Variants in ADGRB2 observed in about 807,000 individuals in gnomAD.
The protein encoded by ADGRB2 is brain-specific angiogenesis inhibitor 2.
A neutral mutation model predicts 178.7 loss-of-function variants in ADGRB2; 47 were observed. That is an observed-to-expected ratio of 0.26 (90% CI 0.21 to 0.34). ADGRB2 has a LOEUF of 0.34. Ranked by LOEUF, ADGRB2 falls within the 10% of genes least tolerant of loss-of-function variation. ADGRB2 has a pLI of 1.00. For missense variants in ADGRB2, 1,584 were observed against 2,180.8 expected (o/e 0.73, Z 5.45); for synonymous variants, 870 against 912.4 (o/e 0.95, Z 0.84).
At position 31,754,671 on chromosome 1, in the gene ADGRB2, C is replaced by T. The variant is rs1646747220; in HGVS notation, c.838+1328G>A. 6.6e-6 allele frequency among the ~76,000 whole-genome samples: 1 copy of T among 152,230 alleles called. No homozygotes were observed. The highest frequency in any genetic ancestry group is 2.4e-5 in the African/African-American group (1 of 41,450). On this transcript the variant is annotated intron_variant, in intron 4 of 32. Coordinates refer to ENST00000373658, the MANE Select transcript of ADGRB2 (RefSeq NM_001364857.2). This position sits in a 1 kb window ranked among gnomAD's most constrained non-coding sequence, Gnocchi z 5.7. ...CCACCGGGCACTTGCCGTGGATGGG[C>T]ACGATGTCAGATGTCTCATTGGAGA...
chr1:31,741,824 G>A lies in ADGRB2; in HGVS notation c.1561C>T (p.Pro521Ser), dbSNP rs1645987614. ...PCEGTGEEVK[P>S]CSEKRCPAFH... ...CCTGGACACCTCTTCTCACTACAAG[G>A]CTTCACCTCCTCTCCGGTGCCCTCG... is the stretch of plus-strand genomic sequence containing the variant. The change falls in exon 9 of 33, where the codon CCT (proline) becomes TCT (serine). Residue 521 changes from proline (P) to serine (S), a missense_variant. Physicochemically the swap from Pro to Ser is moderately conservative, Grantham distance 74. Transcript: ENST00000373658. The surrounding 1 kb of genome is among the most constrained non-coding windows in gnomAD (Gnocchi z 6.5). The A allele has an allele frequency of 6.3e-7, 1 of 1,597,250 alleles. No individual in the cohort carries two copies. Among genetic ancestry groups the A allele is most frequent in the Admixed American group, 1.7e-5 (1 of 59,002 alleles).
Position 31,733,205 on chromosome 1 carries a change from T to C in ADGRB2, c.3453-62A>G. The C allele has an allele frequency of 6.6e-7, 1 of 1,517,332 alleles. No homozygotes were observed. Among genetic ancestry groups the C allele is most frequent in the Non-Finnish European group, 8.9e-7 (1 of 1,126,044 alleles). The allele number at this position is 1,517,332 out of a possible 1,614,324, so 94.0% of individuals were successfully genotyped here. A position where few individuals can be genotyped will look rare whatever the true frequency, so the allele number is the denominator to read the frequency against. On this transcript the variant is annotated intron_variant, in intron 25 of 32. Transcript: ENST00000373658. The surrounding 1 kb of genome is among the most constrained non-coding windows in gnomAD (Gnocchi z 4.3). ...TCCGGGGGACAGGATGGCTTGAGCC[T>C]AGGCCTCCACTCAGCTGGAGCTCTT...
Position 31,744,640 on chromosome 1 carries a change from C to A in ADGRB2, c.922+8G>T, listed in dbSNP as rs377134550. On this transcript the variant is annotated splice_region_variant and intron_variant, in intron 5 of 32. Coordinates refer to ENST00000373658, the MANE Select transcript of ADGRB2 (RefSeq NM_001364857.2). This position sits in a 1 kb window ranked among gnomAD's most constrained non-coding sequence, Gnocchi z 6.7. ...CGCCGCAGAGGAAGGGAGGCGGGCC[C>A]GAGTTACCTGTCTGCGCCATGTATA... The A allele has an allele frequency of 5.0e-6, 8 of 1,613,874 alleles. No individual in the cohort carries two copies. The South Asian group carries it at 8.8e-5, about 18-fold the overall frequency.
At position 31,754,911 on chromosome 1, in the gene ADGRB2, T is replaced by A. The variant is rs1646757724; in HGVS notation, c.838+1088A>T. Among the ~76,000 whole-genome samples, 1 of 152,142 alleles carries A rather than the reference T, an allele frequency of 6.6e-6. No individual in the cohort carries two copies. The highest frequency in any genetic ancestry group is 2.4e-5 in the African/African-American group (1 of 41,406). On this transcript the variant is annotated intron_variant, in intron 4 of 32. Coordinates refer to ENST00000373658, the MANE Select transcript of ADGRB2 (RefSeq NM_001364857.2). This position sits in a 1 kb window ranked among gnomAD's most constrained non-coding sequence, Gnocchi z 5.7. ...GGGACAGGCCGCTCTCCTCCAGCAC[T>A]CCTAGCAGCCCTCACATGATACCCT...
At chr1:31,745,244 G>C (rs557866816) in intron 4 of ADGRB2, among the ~76,000 whole-genome samples, 1 of 152,174 alleles carries the variant, frequency 6.6e-6, no homozygotes, top group East Asian at 1.9e-4. Flanking sequence ...CCCTGGCCCC[G>C]AGCCTATCTC....
At position 31,744,480 on chromosome 1, in the gene ADGRB2, A is replaced by C. The variant is rs917562345; in HGVS notation, c.923-123T>G. On this transcript the variant is annotated intron_variant, in intron 5 of 32. Coordinates refer to ENST00000373658, the MANE Select transcript of ADGRB2 (RefSeq NM_001364857.2). The surrounding 1 kb of genome is among the most constrained non-coding windows in gnomAD (Gnocchi z 6.7). ...GAGGGCTCCTCCTACCCTGACCCCAAGTAACAGGCTCTTCAGGAGGCCACC... is the reference window on the plus strand; with the variant it reads ...GAGGGCTCCTCCTACCCTGACCCCACGTAACAGGCTCTTCAGGAGGCCACC... The C allele has an allele frequency of 6.9e-6, 10 of 1,455,120 alleles. No individual in the cohort carries two copies. In the East Asian group the frequency reaches 2.5e-4, roughly 36 times the overall value. 90.1% of individuals were successfully genotyped at this position (1,455,120 alleles called of 1,614,324 possible).
At chr1:31,738,745 A>T in intron 16 of ADGRB2, 87 bp downstream of exon 16, 1 of 1,594,226 alleles carries the variant, frequency 6.3e-7, no homozygotes, top group Non-Finnish European at 8.6e-7. Flanking sequence ...TCAGCCCACC[A>T]TCAGGGACAG....
In ADGRB2 at chr1:31,759,404, GA is replaced by G. The variant is rs987549397; in HGVS notation, c.-190-1894del. On this transcript the variant is annotated intron_variant, in intron 1 of 32. Coordinates refer to ENST00000373658, the MANE Select transcript of ADGRB2 (RefSeq NM_001364857.2). This position sits in a 1 kb window ranked among gnomAD's most constrained non-coding sequence, Gnocchi z 4.3. ...CTGCGGGGTCTTCCTTTGCATGTCT[GA>G]AGCTGGATCTCCCTCCCCTACCCTG... 1.3e-6 allele frequency: 1 copy of G among 779,208 alleles called. No individual in the cohort carries two copies. The highest frequency in any genetic ancestry group is 1.7e-5 in the African/African-American group (1 of 59,112). The allele number at this position is 779,208 out of a possible 1,614,324, so 48.3% of individuals were successfully genotyped here.
At position 31,730,897 on chromosome 1, in the gene ADGRB2, G is replaced by A. The variant is rs1429204385; in HGVS notation, c.4283C>T (p.Pro1428Leu). ...GGGCACTTGGCGGGCGCTGGGTGTCGGCGGTGGCGGTTGGAAGGTCATTCC... is the reference window on the plus strand; with the variant it reads ...GGGCACTTGGCGGGCGCTGGGTGTCAGCGGTGGCGGTTGGAAGGTCATTCC... ...PYGMTFQPPPPTPSARQVPEP... is the reference protein window; with the variant it reads ...PYGMTFQPPPLTPSARQVPEP... Residue 1428 changes from proline (P) to leucine (L), a missense_variant, in exon 29 of 33, where the codon CCG (proline) becomes CTG (leucine). Pro to Leu is a moderately conservative substitution (Grantham distance 98, BLOSUM62 -3). Around this residue, in one of 3 missense-constraint regions of ADGRB2, gnomAD observed 865 missense variants for 1,192.8 expected, o/e 0.73. Transcript: ENST00000373658. 10 of 1,578,810 alleles carry A rather than the reference G, an allele frequency of 6.3e-6. No homozygotes were observed. Among genetic ancestry groups the A allele is most frequent in the South Asian group, 3.5e-5 (3 of 85,668 alleles).
At position 31,757,470 on chromosome 1, in the gene ADGRB2, A is replaced by G. The variant is rs1646896687; in HGVS notation, c.-149T>C. The G allele has an allele frequency of 1.8e-6, 1 of 563,344 alleles. No individual in the cohort carries two copies. Among genetic ancestry groups the G allele is most frequent in the South Asian group, 2.1e-5 (1 of 47,656 alleles). 34.9% of individuals were successfully genotyped at this position (563,344 alleles called of 1,614,324 possible). A position where few individuals can be genotyped will look rare whatever the true frequency, so the allele number is the denominator to read the frequency against. ...ACCTGAGCCATGCCCACAGGAGGGC[A>G]CTGTCAGTGTGGACGTCACATGTAT... On this transcript the variant is annotated 5_prime_UTR_variant, in exon 2 of 33. Coordinates refer to ENST00000373658, the MANE Select transcript of ADGRB2 (RefSeq NM_001364857.2).
Position 31,728,369 on chromosome 1 carries a change from C to T in ADGRB2, c.4417-89G>A. 2 of 1,413,076 alleles carry T rather than the reference C, an allele frequency of 1.4e-6. No individual in the cohort carries two copies. Among genetic ancestry groups the T allele is most frequent in the Non-Finnish European group, 2.0e-6 (2 of 1,014,480 alleles). The allele number at this position is 1,413,076 out of a possible 1,614,324, so 87.5% of individuals were successfully genotyped here. On this transcript the variant is annotated intron_variant, in intron 30 of 32. Transcript: ENST00000373658. This position sits in a 1 kb window ranked among gnomAD's most constrained non-coding sequence, Gnocchi z 6.7. The stretch of plus-strand genomic sequence containing the variant: ...GGCACTCAGCACCCCAAGCCCCCCA[C>T]ATCCCTCCCTGCTGCCAGCCCCTCT...
rs891136546 is a variant in ADGRB2 at position 31,735,278 on chromosome 1, C to T, written c.3357G>A (p.Ser1119=). ...SDKSKKQRAG[S]ERCPWASLLL... is the part of the protein sequence containing the mutation. ...GCAGGCTGGCCCAGGGGCACCGCTC[C>T]GACCTCGGGGGCGGCACAGACATGG... The change falls in exon 25 of 33, where the codon TCG becomes TCA. Residue 1119 remains serine, a synonymous_variant. Transcript: ENST00000373658. The surrounding 1 kb of genome is among the most constrained non-coding windows in gnomAD (Gnocchi z 6.0). 9.5e-6 allele frequency: 14 copies of T among 1,476,680 alleles called. No homozygotes were observed. Among genetic ancestry groups the T allele is most frequent in the Admixed American group, 4.4e-5 (2 of 45,896 alleles). 91.5% of individuals were successfully genotyped at this position (1,476,680 alleles called of 1,614,324 possible).
At position 31,727,360 on chromosome 1, in the gene ADGRB2, T is replaced by G; in HGVS notation, c.*60A>C. ...CGCTGGCTCCTGGGTAGTTCCAAAG[T>G]GGAGTGTGAAAATAGAGAGATATAT... On this transcript the variant is annotated 3_prime_UTR_variant, in exon 33 of 33. Coordinates refer to ENST00000373658, the MANE Select transcript of ADGRB2 (RefSeq NM_001364857.2). This position sits in a 1 kb window ranked among gnomAD's most constrained non-coding sequence, Gnocchi z 4.4. 6.6e-7 allele frequency: 1 copy of G among 1,505,180 alleles called. No individual in the cohort carries two copies. Among genetic ancestry groups the G allele is most frequent in the Admixed American group, 2.6e-5 (1 of 38,270 alleles). The allele number at this position is 1,505,180 out of a possible 1,614,324, so 93.2% of individuals were successfully genotyped here.
chr1:31,756,642 G>A lies in ADGRB2; in HGVS notation c.195C>T (p.Cys65=), dbSNP rs1646850035. ...GGTCAGGGTTCTCCAGGGTCCAGGAGCAGCCCGAGGCGATGGTAGGAAAGA... is the reference window on the plus strand; with the variant it reads ...GGTCAGGGTTCTCCAGGGTCCAGGAACAGCCCGAGGCGATGGTAGGAAAGA... The part of the protein sequence containing the change: ...QDLFPTIASG[C]SWTLENPDPT... The change falls in exon 4 of 33, where the codon TGC becomes TGT. Residue 65 remains cysteine (C), a synonymous_variant. Transcript: ENST00000373658. The surrounding 1 kb of genome is among the most constrained non-coding windows in gnomAD (Gnocchi z 8.5). 1 of 1,608,436 alleles carries A rather than the reference G, an allele frequency of 6.2e-7. No individual in the cohort carries two copies. The highest frequency in any genetic ancestry group is 8.5e-7 in the Non-Finnish European group (1 of 1,177,106).
chr1:31,739,284 C>G, intron 15 of ADGRB2, 24 bp downstream of exon 15: 1 of 1,444,660 alleles, frequency 6.9e-7, no homozygotes, highest in Non-Finnish European at 9.1e-7. Flanking sequence ...TCAGCAGCCC[C>G]AGCCACCCAT....
intron 29 of ADGRB2, 46 bp downstream of exon 29, chr1:31,730,754 A>G (rs1254369811): frequency 7.1e-7 from 1 of 1,414,604 alleles, no homozygotes; most frequent in East Asian, 2.5e-5. Context: ...GCAGCCTGTG[A>G]TTGACACAGT....
chr1:31,727,990 G>T lies in ADGRB2; in HGVS notation c.4572+35C>A. 1 of 1,531,048 alleles carries T rather than the reference G, an allele frequency of 6.5e-7. No homozygotes were observed. The highest frequency in any genetic ancestry group is 8.7e-7 in the Non-Finnish European group (1 of 1,142,974). 94.8% of individuals were successfully genotyped at this position (1,531,048 alleles called of 1,614,324 possible). ...GGCAGGGAGGGCACGGGTCCCTCAGGCCCACCTCACCCCACCCAGCCCGGG... is the reference window on the plus strand; with the variant it reads ...GGCAGGGAGGGCACGGGTCCCTCAGTCCCACCTCACCCCACCCAGCCCGGG... On this transcript the variant is annotated intron_variant, in intron 32 of 32. Coordinates refer to ENST00000373658, the MANE Select transcript of ADGRB2 (RefSeq NM_001364857.2). The surrounding 1 kb of genome is among the most constrained non-coding windows in gnomAD (Gnocchi z 4.4).
intron 4 of ADGRB2, among the ~76,000 whole-genome samples, chr1:31,747,408 T>A (rs1381085726): frequency 2.6e-5 from 4 of 152,064 alleles, no homozygotes; most frequent in African/African-American, 9.7e-5. Context: ...CTCCTGACCA[T>A]CAAATTCAGC....
At chr1:31,757,097 C>A in intron 3 of ADGRB2, 104 bp downstream of exon 3, 1 of 1,579,040 alleles carries the variant, frequency 6.3e-7, no homozygotes, top group Non-Finnish European at 8.7e-7. Flanking sequence ...TCTTGTGAGC[C>A]CTGAAGAAAC....
Sources: gnomAD v4.1 joint callset for allele counts (sites outside exome capture counted in the v4.1 genomes callset) on GRCh38, gnomAD v4.1.1 for gene constraint, gnomAD v4.1.1 regional missense constraint, Gnocchi (gnomAD v3.1) non-coding constraint, MANE v1.5 for transcripts, NCBI Gene and HGNC (gene_info 2026-07-23, HGNC 2026-07-21) for gene names.